The following EBF2 variants were observed in gnomAD, a reference collection of about 807,000 sequenced individuals.
EBF2 encodes EBF transcription factor 2.
EBF2 carries 21 observed loss-of-function variants against 72.8 expected under a neutral mutation model. The ratio of observed to expected loss-of-function variants is 0.29; its 90% CI spans 0.20 to 0.42. The LOEUF (loss-of-function observed/expected upper bound fraction) is 0.42. Among genes scored for constraint, EBF2 ranks in the 10% least tolerant of loss-of-function variants. The probability of loss-of-function intolerance (pLI) is 1.00; values close to 1 mark genes in which losing one functional copy is unlikely to be tolerated. For synonymous variants in EBF2, 299 were observed against 274.2 expected, an observed-to-expected ratio of 1.09 and a Z score of -0.89; for missense variants, 637 against 731.2, an observed-to-expected ratio of 0.87 and a Z score of 1.49.
intron 7 of EBF2, 124 bp downstream of exon 7, chr8:25,908,350 T>C (rs1336233879): frequency 2.8e-6 from 2 of 702,996 alleles, no homozygotes; most frequent in South Asian, 4.2e-5. Flanking sequence ...TTTACCATTG[T>C]CTTTTTTATT....
At chr8:25,932,081 G>T (rs1803491043) in intron 6 of EBF2, among the ~76,000 whole-genome samples, 1 of 152,140 alleles carries the variant, frequency 6.6e-6, no homozygotes, top group South Asian at 2.1e-4. Context: ...GAAGCCACCA[G>T]GAGAAGGGGG....
rs140552887 is a variant in EBF2 at position 25,926,567 on chromosome 8, C to T, written c.552-18012G>A. ...ATCACCTTCTCTGACTCACAGTGTG[C>T]AGTACTGAGGGTGTCCATTTAGTCC... On this transcript the variant is annotated intron_variant, in intron 6 of 15. Coordinates refer to ENST00000520164, the MANE Select transcript of EBF2 (RefSeq NM_022659.4). Among the ~76,000 whole-genome samples, 159 of 151,800 alleles carry T rather than the reference C, an allele frequency of 1.0e-3. No homozygotes were observed. The Middle Eastern group carries it at 0.017, about 16-fold the overall frequency.
intron 6 of EBF2, among the ~76,000 whole-genome samples, chr8:26,005,985 T>A (rs1041379368): frequency 1.3e-5 from 2 of 151,848 alleles, no homozygotes; most frequent in Non-Finnish European, 2.9e-5. Flanking sequence ...GGAACTCTGC[T>A]CCCTCCCCAG....
At chr8:25,907,407 G>C (rs1803053139) in intron 7 of EBF2, among the ~76,000 whole-genome samples, 1 of 101,826 alleles carries the variant, frequency 9.8e-6, no homozygotes, top group African/African-American at 3.9e-5. Flanking sequence ...GTGACAGAGT[G>C]AGACCCTGCC....
intron 6 of EBF2, among the ~76,000 whole-genome samples, chr8:25,921,347 T>A (rs1049405176): frequency 6.6e-6 from 1 of 152,176 alleles, no homozygotes; most frequent in African/African-American, 2.4e-5. Flanking sequence ...GAACTAAACC[T>A]AGATGATATA....
At chr8:25,850,356 C>T (rs1801936008) in intron 15 of EBF2, among the ~76,000 whole-genome samples, 1 of 152,136 alleles carries the variant, frequency 6.6e-6, no homozygotes, top group South Asian at 2.1e-4. Flanking sequence ...CCAAGTGATC[C>T]ACCTGCCTTG....
At chr8:25,901,522 C>T (rs566751852) in intron 7 of EBF2, among the ~76,000 whole-genome samples, 1 of 152,044 alleles carries the variant, frequency 6.6e-6, no homozygotes, top group South Asian at 2.1e-4. Flanking sequence ...AATATACACG[C>T]TTGTGCTGCC....
intron 6 of EBF2, among the ~76,000 whole-genome samples, chr8:25,960,836 G>A (rs1267620634): frequency 6.6e-6 from 1 of 152,186 alleles, no homozygotes; most frequent in African/African-American, 2.4e-5. Context: ...AATTAATGAA[G>A]TCCACTTAAA....
Position 25,841,736 on chromosome 8 carries a change from C to T in EBF2, c.*2873G>A, listed in dbSNP as rs959118089. The T allele has an allele frequency of 7.2e-5, 11 of 152,022 alleles. No individual in the cohort carries two copies. Among genetic ancestry groups the T allele is most frequent in the African/African-American group, 1.9e-4 (8 of 41,402 alleles). 9.4% of individuals were successfully genotyped at this position (152,022 alleles called of 1,614,324 possible). ...CAAAGGTCCACTCATTTTTACAGTA[C>T]AAAAATTTTATTTTTTTGTTAGGAT... On this transcript the variant is annotated 3_prime_UTR_variant, in exon 16 of 16. Transcript: ENST00000520164.
At chr8:25,963,886 C>G (rs1266066106) in intron 6 of EBF2, among the ~76,000 whole-genome samples, 1 of 152,106 alleles carries the variant, frequency 6.6e-6, no homozygotes, top group Non-Finnish European at 1.5e-5. Flanking sequence ...TTGTAGTACC[C>G]TTCTAATGGG....
At chr8:26,016,067 C>T (rs906234286) in intron 6 of EBF2, among the ~76,000 whole-genome samples, 2 of 152,202 alleles carry the variant, frequency 1.3e-5, no homozygotes, top group Admixed American at 1.3e-4. Context: ...TTTAAGTGTT[C>T]TTGTCTACCA....
At chr8:25,915,979 C>T (rs984871102) in intron 6 of EBF2, among the ~76,000 whole-genome samples, 5 of 152,066 alleles carry the variant, frequency 3.3e-5, no homozygotes, top group South Asian at 2.1e-4. Context: ...AAATTAGGGA[C>T]TTTCAGTAAC....
intron 7 of EBF2, among the ~76,000 whole-genome samples, chr8:25,902,940 T>C (rs961325620): frequency 2.0e-5 from 3 of 152,240 alleles, no homozygotes; most frequent in Non-Finnish European, 2.9e-5. Context: ...TGAGAACTTC[T>C]GGGACAGGCA....
At chr8:26,023,757 A>T in intron 6 of EBF2, among the ~76,000 whole-genome samples, 1 of 152,188 alleles carries the variant, frequency 6.6e-6, no homozygotes. Context: ...GGCAACATCA[A>T]CAAAAGCTTT....
At chr8:25,951,120 C>T (rs895216096) in intron 6 of EBF2, among the ~76,000 whole-genome samples, 2 of 152,138 alleles carry the variant, frequency 1.3e-5, no homozygotes, top group Non-Finnish European at 2.9e-5. Context: ...TTAATTTTTC[C>T]AGGCAATTAA....
intron 6 of EBF2, among the ~76,000 whole-genome samples, chr8:25,955,001 C>T (rs1030350218): frequency 1.3e-5 from 2 of 152,214 alleles, no homozygotes; most frequent in African/African-American, 4.8e-5. Context: ...GGTTGTGCAG[C>T]CGCTGTAAAC....
chr8:25,994,501 A>G (rs7843840), intron 6 of EBF2, among the ~76,000 whole-genome samples: 33,900 of 152,198 alleles, frequency 0.22, 4,224 homozygotes, highest in Middle Eastern at 0.28. Context: ...GTTCACCGCA[A>G]CACTATTCAC....
intron 6 of EBF2, among the ~76,000 whole-genome samples, chr8:25,923,466 C>G (rs1417124481): frequency 6.6e-6 from 1 of 152,146 alleles, no homozygotes; most frequent in African/African-American, 2.4e-5. Context: ...GTGATCACAT[C>G]AAAATCATGC....
At chr8:25,899,884 C>T (rs915435791) in intron 7 of EBF2, among the ~76,000 whole-genome samples, 3 of 152,188 alleles carry the variant, frequency 2.0e-5, no homozygotes, top group African/African-American at 7.2e-5. Context: ...TCAGTCCCAA[C>T]GGGGCCTCAC....
Sources: allele counts gnomAD v4.1 joint callset (sites outside exome capture counted in the v4.1 genomes callset), GRCh38; gene constraint gnomAD v4.1.1; transcripts MANE v1.5; gene names NCBI Gene and HGNC (gene_info 2026-07-23, HGNC 2026-07-21).